Variants in CRB1 observed in about 807,000 individuals in gnomAD.
CRB1 encodes crumbs cell polarity complex component 1, also known as protein crumbs homolog 1.
In CRB1, 83 loss-of-function variants were observed where a neutral mutation model predicts 120.0. The ratio of observed to expected loss-of-function variants is 0.69; its 90% CI spans 0.58 to 0.83. The LOEUF (loss-of-function observed/expected upper bound fraction) is 0.83, where lower values mean the gene tolerates loss of function less well. Among genes scored for constraint, CRB1 ranks in the 40% least tolerant of loss-of-function variants. The probability of loss-of-function intolerance (pLI) is 0.00; values close to 1 mark genes in which losing one functional copy is unlikely to be tolerated. For missense variants in CRB1, 1,699 were observed against 1,687.6 expected (o/e 1.01, Z -0.12); for synonymous variants, 625 against 612.5 (o/e 1.02, Z -0.30).
At chr1:197,358,655 C>T (rs2125357707) in intron 5 of CRB1, among the ~76,000 whole-genome samples, 1 of 152,242 alleles carries the variant, frequency 6.6e-6, no homozygotes, top group Middle Eastern at 3.4e-3. Flanking sequence ...TATGTTTTTC[C>T]CCCGCTTCAA....
intron 5 of CRB1, among the ~76,000 whole-genome samples, chr1:197,411,152 A>G (rs1229178925): frequency 2.0e-5 from 3 of 152,224 alleles, no homozygotes; most frequent in Non-Finnish European, 1.5e-5. Flanking sequence ...TCACTATCAT[A>G]TTAGCTTTCT....
intron 5 of CRB1, among the ~76,000 whole-genome samples, chr1:197,416,443 C>G (rs1411391518): frequency 6.6e-6 from 1 of 152,008 alleles, no homozygotes; most frequent in Non-Finnish European, 1.5e-5. Flanking sequence ...TATATTTTGT[C>G]CTTCCATTAT....
rs2125303659 is a variant in CRB1 at position 197,328,480 on chromosome 1, T to A, written c.129T>A (p.Ser43=). Residue 43 remains serine (S), a synonymous_variant, in exon 2 of 12, where the codon TCT becomes TCA. Coordinates refer to ENST00000367400, the MANE Select transcript of CRB1 (RefSeq NM_201253.3). ...TCTCAAATTCTTGCCAAAACAATTC[T>A]ACATGCAAAGATTTTTCAAAAGACA... ...RCLSNSCQNN[S]TCKDFSKDND... 1 of 1,614,212 alleles carries A rather than the reference T, an allele frequency of 6.2e-7. No homozygotes were observed. Among genetic ancestry groups the A allele is most frequent in the Admixed American group, 1.7e-5 (1 of 60,034 alleles).
At chr1:197,422,014 C>T (rs1664359602) in intron 6 of CRB1, 58 bp downstream of exon 6, 3 of 1,493,642 alleles carry the variant, frequency 2.0e-6, no homozygotes, top group South Asian at 2.3e-5. Context: ...AGAGCAGAAA[C>T]AGCAAAAACA....
the CRB1 span, among the ~76,000 whole-genome samples, chr1:197,247,272 T>G: frequency 6.6e-6 from 1 of 152,082 alleles, no homozygotes; most frequent in Non-Finnish European, 1.5e-5. Flanking sequence ...ACCTGAATGT[T>G]TCCACAAATA....
chr1:197,281,479 C>T (rs574555306), intron 1 of CRB1, among the ~76,000 whole-genome samples: 186 of 151,898 alleles, frequency 1.2e-3, no homozygotes, highest in Non-Finnish European at 2.3e-3. Flanking sequence ...TTAGCCTACT[C>T]TTCACGTGTT....
intron 5 of CRB1, among the ~76,000 whole-genome samples, chr1:197,389,499 A>G (rs1662386041): frequency 6.6e-6 from 1 of 152,114 alleles, no homozygotes; most frequent in South Asian, 2.1e-4. Flanking sequence ...AATTTCATAG[A>G]GTCAGAAATT....
intron 1 of CRB1, among the ~76,000 whole-genome samples, chr1:197,278,508 T>G (rs1350837607): frequency 6.6e-6 from 1 of 151,944 alleles, no homozygotes; most frequent in Non-Finnish European, 1.5e-5. Context: ...AGAACACTGT[T>G]TTAATGGCAG....
At chr1:197,376,876 A>G (rs1424810283) in intron 5 of CRB1, among the ~76,000 whole-genome samples, 6 of 152,102 alleles carry the variant, frequency 3.9e-5, no homozygotes, top group Admixed American at 2.0e-4. Flanking sequence ...GTCCTTGGTT[A>G]TCCTCTCCAA....
intron 5 of CRB1, among the ~76,000 whole-genome samples, chr1:197,396,671 T>C (rs1420364148): frequency 6.6e-6 from 1 of 152,154 alleles, no homozygotes; most frequent in East Asian, 1.9e-4. Flanking sequence ...ACACTTATGA[T>C]TAATTCATTT....
chr1:197,329,551 A>G (rs910569135), intron 2 of CRB1, among the ~76,000 whole-genome samples: 11 of 152,330 alleles, frequency 7.2e-5, no homozygotes, highest in African/African-American at 2.4e-4. Flanking sequence ...ATATTTATCT[A>G]TCTATTCTTT....
At chr1:197,458,379 T>C (rs1666377536) in intron 11 of CRB1, among the ~76,000 whole-genome samples, 1 of 152,060 alleles carries the variant, frequency 6.6e-6, no homozygotes, top group Non-Finnish European at 1.5e-5. Flanking sequence ...ACAAATCTAG[T>C]TGTCAGAAAA....
At chr1:197,459,420 T>C (rs1666425453) in intron 11 of CRB1, among the ~76,000 whole-genome samples, 1 of 152,152 alleles carries the variant, frequency 6.6e-6, no homozygotes, top group Non-Finnish European at 1.5e-5. Flanking sequence ...TACTGGAGGC[T>C]GGGAACTTCA....
the CRB1 span, among the ~76,000 whole-genome samples, chr1:197,258,747 GCTAA>G: frequency 4.6e-5 from 7 of 152,048 alleles, no homozygotes; most frequent in South Asian, 2.1e-4. Flanking sequence ...TATTGGCTGT[GCTAA>G]CTGAGATAAA....
At chr1:197,411,259 A>G (rs529774184) in intron 5 of CRB1, among the ~76,000 whole-genome samples, 145 of 152,320 alleles carry the variant, frequency 9.5e-4, no homozygotes, top group African/African-American at 3.1e-3. Context: ...CCTTTGCCCC[A>G]GATACTATCA....
At chr1:197,294,961 C>T (rs1057306181) in intron 1 of CRB1, among the ~76,000 whole-genome samples, 6 of 151,886 alleles carry the variant, frequency 4.0e-5, no homozygotes, top group Admixed American at 2.6e-4. Flanking sequence ...ATGTAAATGA[C>T]GAGTTAATGG....
rs1167111823 is a variant in CRB1 at position 197,293,624 on chromosome 1, A to G, written c.70+25142A>G. ...CGCCAAGTCAATCCTAAGCCAAAAG[A>G]ACAAAGCTGAAGGCATCATACTACC... On this transcript the variant is annotated intron_variant, in intron 1 of 11. Transcript: ENST00000367400. 7.9e-5 allele frequency among the ~76,000 whole-genome samples: 12 copies of G among 152,156 alleles called. 1 individual carries two copies. Among genetic ancestry groups the G allele is most frequent in the South Asian group, 4.1e-4 (2 of 4,834 alleles).
At chr1:197,261,308 A>C in the CRB1 span, among the ~76,000 whole-genome samples, 21 of 152,342 alleles carry the variant, frequency 1.4e-4, no homozygotes, top group Admixed American at 3.9e-4. Context: ...CGGGTGTGTA[A>C]AATGATTTTT....
intron 11 of CRB1, among the ~76,000 whole-genome samples, chr1:197,471,917 A>T (rs1666995289): frequency 6.6e-6 from 1 of 152,204 alleles, no homozygotes; most frequent in Admixed American, 6.5e-5. Flanking sequence ...ACTGCTCTCC[A>T]AATTTGTATT....
Sources: gnomAD v4.1 joint callset for allele counts (sites outside exome capture counted in the v4.1 genomes callset) on GRCh38, gnomAD v4.1.1 for gene constraint, MANE v1.5 for transcripts, NCBI Gene and HGNC (gene_info 2026-07-23, HGNC 2026-07-21) for gene names.